Variants in KALRN observed in about 807,000 individuals in gnomAD.
KALRN encodes the protein kalirin RhoGEF kinase, also known as kalirin.
A neutral mutation model predicts 353.7 loss-of-function variants in KALRN; 70 were observed. That is an observed-to-expected ratio of 0.20 (90% CI 0.16 to 0.24). KALRN has a LOEUF of 0.24. KALRN is among the 10% of genes least tolerant of loss of function. The pLI, the probability that KALRN is intolerant of heterozygous loss-of-function variation, is 1.00. For missense variants in KALRN, 2,791 were observed against 3,756.7 expected, an observed-to-expected ratio of 0.74 and a Z score of 6.72; for synonymous variants, 1,391 against 1,434.8, an observed-to-expected ratio of 0.97 and a Z score of 0.69.
At chr3:124,312,636 G>A (rs1040188096) in intron 6 of KALRN, among the ~76,000 whole-genome samples, 2 of 152,240 alleles carry the variant, frequency 1.3e-5, no homozygotes, top group African/African-American at 2.4e-5. Flanking sequence ...GTGGTGTTAG[G>A]GAAGCTGAAG....
intron 3 of KALRN, among the ~76,000 whole-genome samples, 193 bp from the exon 4 acceptor site, chr3:124,264,305 T>C (rs1001172264): frequency 3.9e-5 from 6 of 152,190 alleles, no homozygotes; most frequent in African/African-American, 1.4e-4. Context: ...GCCAGGACCA[T>C]TGGTCAGATG....
chr3:124,586,968 T>C (rs2075258974), intron 34 of KALRN, among the ~76,000 whole-genome samples: 1 of 152,190 alleles, frequency 6.6e-6, no homozygotes, highest in Non-Finnish European at 1.5e-5. Context: ...CCACTCAGCC[T>C]GTAGGCATCA....
At position 124,488,196 on chromosome 3, in the gene KALRN, T is replaced by C; in HGVS notation, c.4285-8T>C. ...GCCCTAATTATGTCCGGACTTTTTT[T>C]TCCCCAGGAACTTTTAACTTGCTGT... is the stretch of plus-strand genomic sequence containing the variant. On this transcript the variant is annotated splice_polypyrimidine_tract_variant and splice_region_variant and intron_variant, in intron 28 of 59. Coordinates refer to ENST00000682506, the MANE Select transcript of KALRN (RefSeq NM_001388419.1). 3 of 1,602,332 alleles carry C rather than the reference T, an allele frequency of 1.9e-6. No individual in the cohort carries two copies. In the East Asian group the frequency reaches 6.7e-5, roughly 36 times the overall value.
Position 124,496,340 on chromosome 3 carries a change from G to C in KALRN, c.4862G>C (p.Gly1621Ala). 1 of 1,613,386 alleles carries C rather than the reference G, an allele frequency of 6.2e-7. No individual in the cohort carries two copies. The highest frequency in any genetic ancestry group is 1.7e-5 in the Admixed American group (1 of 59,968). ...GGAGTGGAGGATATTGACAGCCAGG[G>C]GGATGGGAGCAGCCAACCAGACACC... is the stretch of plus-strand genomic sequence containing the variant. The part of the protein sequence containing the change: ...RDGVEDIDSQ[G>A]DGSSQPDTIS... The change falls in exon 33 of 60, where the codon GGG (glycine) becomes GCG (alanine). Residue 1621 changes from glycine to alanine, a missense_variant. Transcript: ENST00000682506.
intron 1 of KALRN, among the ~76,000 whole-genome samples, chr3:124,074,084 A>G (rs2060147818): frequency 6.6e-6 from 1 of 151,936 alleles, no homozygotes; most frequent in South Asian, 2.1e-4. Flanking sequence ...AGCAGACTAG[A>G]TGGATGGGAT....
At chr3:124,675,515 C>CTTTTTT (rs199938833) in intron 49 of KALRN, 3 of 96,364 alleles carry the variant, frequency 3.1e-5, no homozygotes, top group Non-Finnish European at 4.0e-5. Context: ...TCCTCCTCTT[C>CTTTTTT]TTCTTTTTTT....
intron 56 of KALRN, among the ~76,000 whole-genome samples, chr3:124,701,329 C>T (rs2062318201): frequency 6.6e-6 from 1 of 151,534 alleles, no homozygotes; most frequent in East Asian, 1.9e-4. Flanking sequence ...CAGATAAGCT[C>T]ATTAATGCCT....
chr3:124,460,328 G>A (rs1279038034), intron 23 of KALRN, among the ~76,000 whole-genome samples: 1 of 152,182 alleles, frequency 6.6e-6, no homozygotes, highest in Non-Finnish European at 1.5e-5. Context: ...GGTTCCTTCT[G>A]TGACAACAAA....
chr3:124,702,215 A>T, intron 57 of KALRN, 99 bp downstream of exon 57: 1 of 708,942 alleles, frequency 1.4e-6, no homozygotes, highest in Non-Finnish European at 2.3e-6. Context: ...TTCTTTTACA[A>T]ATGCAATTCT....
At chr3:124,407,000 A>G (rs561072378) in intron 13 of KALRN, among the ~76,000 whole-genome samples, 61 of 151,590 alleles carry the variant, frequency 4.0e-4, no homozygotes, top group African/African-American at 1.5e-3. Flanking sequence ...CGCCCAGCTA[A>G]TTTTTGTATT....
chr3:124,529,971 C>A (rs2067904799), intron 33 of KALRN, among the ~76,000 whole-genome samples: 1 of 152,132 alleles, frequency 6.6e-6, no homozygotes, highest in African/African-American at 2.4e-5. Flanking sequence ...GTCTCAAAGA[C>A]AGTGTTGATT....
rs565015276 is a variant in KALRN, at chr3:124,144,990, C to G, written c.74-83000C>G. ...TGTGTTCAAGAAAGCCCAGGAGTTT[C>G]CTGCTTGAAAAAGGTGAGGGTGGAC... On this transcript the variant is annotated intron_variant, in intron 1 of 59. Coordinates refer to ENST00000682506, the MANE Select transcript of KALRN (RefSeq NM_001388419.1). 4.6e-5 allele frequency among the ~76,000 whole-genome samples: 7 copies of G among 152,194 alleles called. No homozygotes were observed. The East Asian group carries it at 1.4e-3, about 30-fold the overall frequency.
chr3:124,184,852 G>A (rs1300585097), intron 1 of KALRN, among the ~76,000 whole-genome samples: 2 of 152,206 alleles, frequency 1.3e-5, no homozygotes, highest in African/African-American at 4.8e-5. Context: ...TTTGTATATA[G>A]TAATAGTATG....
chr3:124,538,915 C>T (rs1482778500), intron 33 of KALRN, among the ~76,000 whole-genome samples: 1 of 152,176 alleles, frequency 6.6e-6, no homozygotes, highest in East Asian at 1.9e-4. Context: ...GTGGCTTGCC[C>T]AAGATCACTG....
At chr3:124,083,602 C>G (rs184263541) in intron 1 of KALRN, among the ~76,000 whole-genome samples, 3 of 152,172 alleles carry the variant, frequency 2.0e-5, no homozygotes, top group South Asian at 2.1e-4. Context: ...TATTTAAATA[C>G]TATTATCATC....
intron 5 of KALRN, among the ~76,000 whole-genome samples, chr3:124,287,768 A>AAGAT (rs1560467935): frequency 1.3e-4 from 9 of 71,460 alleles, no homozygotes; most frequent in South Asian, 4.4e-4. Flanking sequence ...AGGGCCTAGG[A>AAGAT]AGATATATAT....
At chr3:124,245,496 A>G (rs765328269) in intron 3 of KALRN, among the ~76,000 whole-genome samples, 1 of 152,124 alleles carries the variant, frequency 6.6e-6, no homozygotes, top group Admixed American at 6.6e-5. Flanking sequence ...TCTTTTGGCT[A>G]CATACCCAGC....
At chr3:124,286,654 T>A (rs1301875661) in intron 5 of KALRN, among the ~76,000 whole-genome samples, 1 of 152,222 alleles carries the variant, frequency 6.6e-6, no homozygotes, top group Non-Finnish European at 1.5e-5. Context: ...AAGTTCAGTA[T>A]TATACTCTGC....
intron 48 of KALRN, among the ~76,000 whole-genome samples, chr3:124,673,525 A>T (rs1427422201): frequency 6.6e-6 from 1 of 151,118 alleles, no homozygotes; most frequent in East Asian, 1.9e-4. Context: ...CATATAGAAT[A>T]TATATGTATA....
Sources: allele counts gnomAD v4.1 joint callset (sites outside exome capture counted in the v4.1 genomes callset), GRCh38; gene constraint gnomAD v4.1.1; transcripts MANE v1.5; gene names NCBI Gene and HGNC (gene_info 2026-07-23, HGNC 2026-07-21).